Variants in SYK observed in about 807,000 individuals in gnomAD.
The protein encoded by SYK is spleen associated tyrosine kinase.
In SYK, 16 loss-of-function variants were observed where a neutral mutation model predicts 77.8. The ratio of observed to expected loss-of-function variants is 0.21; its 90% CI spans 0.14 to 0.31. SYK has a LOEUF of 0.31. Among genes scored for constraint, SYK ranks in the 10% least tolerant of loss-of-function variants. The pLI is 1.00. For missense variants in SYK, 529 were observed against 814.4 expected, an observed-to-expected ratio of 0.65 and a Z score of 4.26; for synonymous variants, 312 against 308.7, an observed-to-expected ratio of 1.01 and a Z score of -0.11.
chr9:90,890,833 T>A (rs1345357138), intron 13 of SYK, among the ~76,000 whole-genome samples: 1 of 152,188 alleles, frequency 6.6e-6, no homozygotes, highest in East Asian at 1.9e-4. Flanking sequence ...ATACCTGAGC[T>A]CGTTGCCTCA....
At chr9:90,851,289 T>TC (rs1461445984) in intron 3 of SYK, among the ~76,000 whole-genome samples, 1 of 152,148 alleles carries the variant, frequency 6.6e-6, no homozygotes, top group Non-Finnish European at 1.5e-5. Context: ...CACAGAGGCG[T>TC]CCATCAGCTT....
chr9:90,832,356 G>A (rs2118521364), intron 1 of SYK, among the ~76,000 whole-genome samples: 1 of 152,376 alleles, frequency 6.6e-6, no homozygotes, highest in Non-Finnish European at 1.5e-5. Context: ...AATGTTACTA[G>A]TGATAATAAA....
chr9:90,850,165 T>C (rs1053049730), intron 3 of SYK, among the ~76,000 whole-genome samples: 8 of 152,356 alleles, frequency 5.3e-5, no homozygotes, highest in South Asian at 2.1e-4. Flanking sequence ...TGAGAGTCAC[T>C]GGCCATAAAA....
At chr9:90,849,890 C>T (rs781058142) in intron 3 of SYK, among the ~76,000 whole-genome samples, 4 of 152,382 alleles carry the variant, frequency 2.6e-5, no homozygotes, top group Admixed American at 6.5e-5. Flanking sequence ...GCCTGCTGCA[C>T]GGTGCTTGGC....
chr9:90,877,118 AAG>A (rs1827966144), intron 9 of SYK, among the ~76,000 whole-genome samples: 1 of 152,134 alleles, frequency 6.6e-6, no homozygotes, highest in Admixed American at 6.6e-5. Context: ...AAGTGGCAAG[AAG>A]CTCACTGCAG....
chr9:90,877,869 G>A, intron 10 of SYK, 89 bp downstream of exon 10: 1 of 1,424,512 alleles, frequency 7.0e-7, no homozygotes, highest in African/African-American at 1.4e-5. Flanking sequence ...GATTTCCTTG[G>A]GAAGCCTTCC....
rs187162418 is a variant in SYK, at chr9:90,831,764, C to T, written c.-41-12094C>T. On this transcript the variant is annotated intron_variant, in intron 1 of 13. Coordinates refer to ENST00000375754, the MANE Select transcript of SYK (RefSeq NM_003177.7). ...CGTTGAGGTCGCACAAGGTGACACT[C>T]TGCTTTCTTGTTTTAGCTCTTATAA... is the stretch of plus-strand genomic sequence containing the variant. Among the ~76,000 whole-genome samples, 304 of 152,346 alleles carry T rather than the reference C, an allele frequency of 2.0e-3. 2 individuals are homozygous for T. The highest frequency in any genetic ancestry group is 6.8e-3 in the African/African-American group (283 of 41,584).
At chr9:90,854,788 G>A (rs1023956210) in intron 3 of SYK, among the ~76,000 whole-genome samples, 3 of 151,948 alleles carry the variant, frequency 2.0e-5, no homozygotes, top group African/African-American at 7.3e-5. Flanking sequence ...CTGAAATTCA[G>A]GTGCCCTCCT....
In SYK at chr9:90,887,888, G is replaced by C. The variant is rs201765057; in HGVS notation, c.1721G>C (p.Arg574Pro). The change falls in exon 12 of 14, where the codon CGA (arginine) becomes CCA (proline). Residue 574 changes from arginine to proline, a missense_variant and splice_region_variant. Physicochemically the swap from Arg to Pro is moderately radical, Grantham distance 103. Around this residue, in one of 2 missense-constraint regions of SYK, gnomAD observed 208 missense variants for 381.3 expected, o/e 0.55. Coordinates refer to ENST00000375754, the MANE Select transcript of SYK (RefSeq NM_003177.7). ...EAFSYGQKPY[R>P]GMKGSEVTAM... ...TTCTCCTATGGGCAGAAGCCATATCGAGTGAGCCAGTCCTGCTTCATTTTC... is the reference window on the plus strand; with the variant it reads ...TTCTCCTATGGGCAGAAGCCATATCCAGTGAGCCAGTCCTGCTTCATTTTC... The C allele has an allele frequency of 5.0e-6, 8 of 1,600,378 alleles. No individual in the cohort carries two copies. The highest frequency in any genetic ancestry group is 6.8e-6 in the Non-Finnish European group (8 of 1,171,156).
chr9:90,816,862 C>G (rs1825309553), intron 1 of SYK, among the ~76,000 whole-genome samples: 1 of 152,200 alleles, frequency 6.6e-6, no homozygotes, highest in Non-Finnish European at 1.5e-5. Context: ...TTATCACAAA[C>G]AATAGGATTT....
intron 1 of SYK, among the ~76,000 whole-genome samples, chr9:90,828,875 T>A (rs1825775496): frequency 1.3e-5 from 2 of 152,304 alleles, no homozygotes; most frequent in South Asian, 2.1e-4. Flanking sequence ...CCGTGGCAAG[T>A]GGCAACTTGC....
At chr9:90,811,672 C>T (rs1396754121) in intron 1 of SYK, among the ~76,000 whole-genome samples, 1 of 151,934 alleles carries the variant, frequency 6.6e-6, no homozygotes, top group South Asian at 2.1e-4. Context: ...AATTCCAGCA[C>T]TTTGGGAAGC....
rs199888968 is a variant in SYK, at chr9:90,895,921, C to T, written c.*321C>T. 8 of 367,546 alleles carry T rather than the reference C, an allele frequency of 2.2e-5. No individual in the cohort carries two copies. The highest frequency in any genetic ancestry group is 4.1e-5 in the Non-Finnish European group (8 of 193,740). The allele number at this position is 367,546 out of a possible 1,614,324, so 22.8% of individuals were successfully genotyped here. ...TTCATGTCTTTCCACTTCTCTGGGT[C>T]CCGGGGTGCATTTGTTACTCATCGG... is the stretch of plus-strand genomic sequence containing the variant. On this transcript the variant is annotated 3_prime_UTR_variant, in exon 14 of 14. Transcript: ENST00000375754. The surrounding 1 kb of genome is among the most constrained non-coding windows in gnomAD (Gnocchi z 4.4).
At chr9:90,811,073 G>A (rs1215241946) in intron 1 of SYK, among the ~76,000 whole-genome samples, 1 of 151,938 alleles carries the variant, frequency 6.6e-6, no homozygotes, top group South Asian at 2.1e-4. Context: ...AAACTTAGGT[G>A]AGTTTTAAAA....
rs150097494 is a variant in SYK at position 90,869,140 on chromosome 9, C to T, written c.915+1941C>T. Reference sequence around the variant, plus strand: ...GTAAGAGATGGGAATGTTAAGAAATCCCACTTTTCATTGTAAACTCTGTTG... The same window carrying T: ...GTAAGAGATGGGAATGTTAAGAAATTCCACTTTTCATTGTAAACTCTGTTG... On this transcript the variant is annotated intron_variant, in intron 7 of 13. Transcript: ENST00000375754. 1.7e-4 allele frequency among the ~76,000 whole-genome samples: 26 copies of T among 152,130 alleles called. No homozygotes were observed. The East Asian group carries it at 4.6e-3, about 27-fold the overall frequency.
chr9:90,884,810 C>T lies in SYK; in HGVS notation c.1582-2939C>T, dbSNP rs369507914. Among the ~76,000 whole-genome samples the T allele has an allele frequency of 5.7e-3, 113 of 19,886 alleles. 34 individuals carry two copies. The highest frequency in any genetic ancestry group is 8.5e-3 in the Non-Finnish European group (92 of 10,778). 13.0% of individuals were successfully genotyped at this position (19,886 alleles called of 152,430 possible). On this transcript the variant is annotated intron_variant, in intron 11 of 13. Transcript: ENST00000375754. ...ACATGCACATATACACATATGTGTACATACACATATACACATATGTGTGTA... is the reference window on the plus strand; with the variant it reads ...ACATGCACATATACACATATGTGTATATACACATATACACATATGTGTGTA...
chr9:90,850,970 G>A (rs75529335), intron 3 of SYK, among the ~76,000 whole-genome samples: 2,308 of 152,236 alleles, frequency 0.015, 25 homozygotes, highest in South Asian at 0.027. Context: ...TGTCCAACTC[G>A]GATCCCAGTT....
rs1345591167 is a variant in SYK, at chr9:90,898,206, C to T, written c.*2606C>T. The T allele has an allele frequency of 1.3e-5, 3 of 231,042 alleles. No homozygotes were observed. Among genetic ancestry groups the T allele is most frequent in the Non-Finnish European group, 2.6e-5 (3 of 116,734 alleles). The allele number at this position is 231,042 out of a possible 1,614,324, so 14.3% of individuals were successfully genotyped here. A position where few individuals can be genotyped will look rare whatever the true frequency, so the allele number is the denominator to read the frequency against. On this transcript the variant is annotated 3_prime_UTR_variant, in exon 14 of 14. Coordinates refer to ENST00000375754, the MANE Select transcript of SYK (RefSeq NM_003177.7). ...GTGAGGCCGTGAATATCTTGTCCCC[C>T]AGCAGGGCCGACAGTTTCTATCACA...
At chr9:90,879,511 CA>C (rs1459742092) in intron 11 of SYK, among the ~76,000 whole-genome samples, 1 of 152,140 alleles carries the variant, frequency 6.6e-6, no homozygotes, top group Admixed American at 6.5e-5. Context: ...GGAGCTATTC[CA>C]AAATAACTTT....
Sources: gnomAD v4.1 joint callset for allele counts (sites outside exome capture counted in the v4.1 genomes callset) on GRCh38, gnomAD v4.1.1 for gene constraint, gnomAD v4.1.1 regional missense constraint, Gnocchi (gnomAD v3.1) non-coding constraint, MANE v1.5 for transcripts, NCBI Gene and HGNC (gene_info 2026-07-23, HGNC 2026-07-21) for gene names.